The following RILPL1 variants were observed in gnomAD, a reference collection of about 807,000 sequenced individuals.
RILPL1 encodes the protein Rab interacting lysosomal protein like 1.
In RILPL1, 33 loss-of-function variants were observed where a neutral mutation model predicts 50.3. The observed-to-expected ratio is 0.66, with a 90% CI of 0.50 to 0.88. RILPL1 has a LOEUF of 0.88. Among genes scored for constraint, RILPL1 ranks in the 40% least tolerant of loss-of-function variants. The pLI is 0.00. For synonymous variants in RILPL1, 205 were observed against 228.6 expected (o/e 0.90, Z 0.93); for missense variants, 418 against 542.5 (o/e 0.77, Z 2.28).
intron 1 of RILPL1, among the ~76,000 whole-genome samples, chr12:123,524,581 G>A (rs953024499): frequency 2.6e-5 from 4 of 152,112 alleles, no homozygotes; most frequent in South Asian, 2.1e-4. Flanking sequence ...CCATACAATG[G>A]AACATTATTC....
chr12:123,526,484 G>A (rs949772410), intron 1 of RILPL1, among the ~76,000 whole-genome samples: 2 of 152,088 alleles, frequency 1.3e-5, no homozygotes, highest in African/African-American at 2.4e-5. Flanking sequence ...GGTATCTGCC[G>A]GGAAGGGTGG....
At chr12:123,526,789 G>A (rs1885276979) in intron 1 of RILPL1, among the ~76,000 whole-genome samples, 1 of 152,178 alleles carries the variant, frequency 6.6e-6, no homozygotes, top group Admixed American at 6.6e-5. Flanking sequence ...AAGTGGTGGT[G>A]GAGGGATGGA....
intron 2 of RILPL1, among the ~76,000 whole-genome samples, chr12:123,500,534 C>G (rs1401565051): frequency 1.3e-5 from 2 of 151,958 alleles, no homozygotes; most frequent in Admixed American, 1.3e-4. Flanking sequence ...ATCCGCCCAC[C>G]TCGGCCTCCC....
At chr12:123,523,153 C>T (rs1015650147) in intron 2 of RILPL1, among the ~76,000 whole-genome samples, 1 of 152,128 alleles carries the variant, frequency 6.6e-6, no homozygotes. Context: ...TGTGTGTTTA[C>T]ATGTTAAGCC....
At chr12:123,479,225 G>T (rs2139309621) in intron 6 of RILPL1, among the ~76,000 whole-genome samples, 2 of 152,210 alleles carry the variant, frequency 1.3e-5, no homozygotes, top group Middle Eastern at 6.8e-3. Flanking sequence ...CTGAGAAATG[G>T]GGATAATTAT....
intron 2 of RILPL1, among the ~76,000 whole-genome samples, chr12:123,523,074 C>G (rs1436766909): frequency 6.6e-6 from 1 of 152,160 alleles, no homozygotes; most frequent in Non-Finnish European, 1.5e-5. Context: ...ATGTCCCTAC[C>G]AAGTCACTCT....
At chr12:123,513,049 T>TTGTG (rs374548273) in intron 2 of RILPL1, among the ~76,000 whole-genome samples, 14,122 of 136,896 alleles carry the variant, frequency 0.1, 1,882 homozygotes, top group African/African-American at 0.32. Context: ...TGTGTGAGGT[T>TTGTG]TGTGTGTGAG....
Position 123,489,806 on chromosome 12 carries a change from G to T in RILPL1, c.802-4001C>A, listed in dbSNP as rs1882571753. On this transcript the variant is annotated intron_variant, in intron 4 of 6. Transcript: ENST00000376874. This position sits in a 1 kb window ranked among gnomAD's most constrained non-coding sequence, Gnocchi z 4.0. Reference sequence around the variant, plus strand: ...TCACCAGGAACTCTGGGCATTAGTAGTATAGATCAGAGGTTGCAAACTAAG... The same window carrying T: ...TCACCAGGAACTCTGGGCATTAGTATTATAGATCAGAGGTTGCAAACTAAG... Among the ~76,000 whole-genome samples the T allele has an allele frequency of 1.3e-5, 2 of 152,156 alleles. No individual in the cohort carries two copies. Among genetic ancestry groups the T allele is most frequent in the Non-Finnish European group, 2.9e-5 (2 of 68,030 alleles).
rs189051671 is a variant in RILPL1 at position 123,517,851 on chromosome 12, A to G, written c.460+5644T>C. ...ACATTGCCATTGTCAGCTGGTGGAT[A>G]AACAAATGTAGGGCCTGCACACAAT... On this transcript the variant is annotated intron_variant, in intron 2 of 6. Transcript: ENST00000376874. 5.9e-5 allele frequency among the ~76,000 whole-genome samples: 9 copies of G among 152,366 alleles called. 1 individual carries two copies. In the East Asian group the frequency reaches 1.7e-3, roughly 29 times the overall value.
At chr12:123,475,334 C>G (rs1322298441) in intron 6 of RILPL1, 4 of 331,380 alleles carry the variant, frequency 1.2e-5, no homozygotes, top group Non-Finnish European at 2.3e-5. Context: ...TAGTGTCACT[C>G]GGGGACCGCA....
At chr12:123,523,745 G>T in intron 1 of RILPL1, 100 bp from the exon 2 acceptor site, 1 of 1,379,586 alleles carries the variant, frequency 7.2e-7, no homozygotes, top group African/African-American at 1.5e-5. Context: ...GGGACTTTGG[G>T]CCATCCCCTT....
At chr12:123,523,687 G>A (rs749820840) in intron 1 of RILPL1, 42 bp from the exon 2 acceptor site, 2 of 1,591,714 alleles carry the variant, frequency 1.3e-6, no homozygotes, top group Non-Finnish European at 1.7e-6. Flanking sequence ...TGCCTGCCCA[G>A]AGCAGCCGCC....
chr12:123,492,234 A>AAT (rs35746066), intron 4 of RILPL1, among the ~76,000 whole-genome samples: 45 of 145,240 alleles, frequency 3.1e-4, no homozygotes, highest in African/African-American at 8.5e-4. Context: ...AAGAAAAAAA[A>AAT]ATATATATAT....
intron 2 of RILPL1, among the ~76,000 whole-genome samples, chr12:123,512,155 GGTGT>G (rs1394181431): frequency 2.6e-5 from 3 of 117,014 alleles, no homozygotes; most frequent in Non-Finnish European, 5.4e-5. Flanking sequence ...CTGTGTGTGT[GGTGT>G]GTGAGGTCTG....
intron 2 of RILPL1, among the ~76,000 whole-genome samples, chr12:123,502,411 G>T (rs974291992): frequency 6.6e-6 from 1 of 152,230 alleles, no homozygotes; most frequent in Non-Finnish European, 1.5e-5. Context: ...GCATGCAAGC[G>T]TGAAAACCCT....
chr12:123,490,665 C>A (rs1046597987), intron 4 of RILPL1, among the ~76,000 whole-genome samples: 1 of 151,732 alleles, frequency 6.6e-6, no homozygotes, highest in Admixed American at 6.6e-5. Context: ...TTCGGACTCC[C>A]GGGCTTAAAC....
intron 6 of RILPL1, among the ~76,000 whole-genome samples, chr12:123,482,530 C>T (rs998820939): frequency 1.3e-5 from 2 of 152,056 alleles, no homozygotes. Flanking sequence ...CTGCCTTGGC[C>T]TTTCAGAGTG....
intron 2 of RILPL1, among the ~76,000 whole-genome samples, chr12:123,507,953 G>GAAAAAAA (rs56309765): frequency 8.7e-6 from 1 of 115,006 alleles, no homozygotes. Flanking sequence ...AAAAAAAAAA[G>GAAAAAAA]AAAAAAAAAA....
At chr12:123,473,120 T>A (rs1487073865) in intron 6 of RILPL1, 1 of 178,174 alleles carries the variant, frequency 5.6e-6, no homozygotes, top group Non-Finnish European at 1.2e-5. Flanking sequence ...TAAATAGTTC[T>A]GTATTTGTTT....
Sources: allele counts gnomAD v4.1 joint callset (sites outside exome capture counted in the v4.1 genomes callset), GRCh38; gene constraint gnomAD v4.1.1; non-coding constraint Gnocchi (gnomAD v3.1); transcripts MANE v1.5; gene names NCBI Gene and HGNC (gene_info 2026-07-23, HGNC 2026-07-21).